Variants in PCDH15 observed in about 807,000 individuals in gnomAD.
PCDH15 encodes protocadherin related 15, also known as protocadherin-15.
PCDH15 carries 129 observed loss-of-function variants against 178.5 expected under a neutral mutation model. That is an observed-to-expected ratio of 0.72 (90% CI 0.63 to 0.84). PCDH15 has a LOEUF of 0.84. Among genes scored for constraint, PCDH15 ranks in the 40% least tolerant of loss-of-function variants. The pLI, the probability that PCDH15 is intolerant of heterozygous loss-of-function variation, is 0.00. For missense variants in PCDH15, 2,230 were observed against 2,099.9 expected (o/e 1.06, Z -1.21); for synonymous variants, 800 against 732.0 (o/e 1.09, Z -1.50).
intron 2 of PCDH15, among the ~76,000 whole-genome samples, chr10:55,487,622 A>G (rs1840323066): frequency 6.6e-6 from 1 of 151,674 alleles, no homozygotes; most frequent in Non-Finnish European, 1.5e-5. Flanking sequence ...TCCAGCTGTC[A>G]TTCCACTTTT....
chr10:55,071,208 A>G (rs1365032136), intron 2 of PCDH15, among the ~76,000 whole-genome samples: 2 of 152,180 alleles, frequency 1.3e-5, no homozygotes, highest in Non-Finnish European at 2.9e-5. Context: ...CAAAATAACC[A>G]GCTAACATCA....
intron 13 of PCDH15, among the ~76,000 whole-genome samples, chr10:54,175,283 T>A (rs985971655): frequency 6.6e-6 from 1 of 152,162 alleles, no homozygotes; most frequent in Non-Finnish European, 1.5e-5. Flanking sequence ...AAATAAATTG[T>A]CAAGAGACAT....
chr10:54,283,902 GC>G (rs1241647973), intron 8 of PCDH15, among the ~76,000 whole-genome samples: 1 of 152,124 alleles, frequency 6.6e-6, no homozygotes, highest in Admixed American at 6.6e-5. Context: ...GGGCTGGGAT[GC>G]ATTGGCACAA....
chr10:54,396,474 A>G (rs10825320), intron 3 of PCDH15, among the ~76,000 whole-genome samples: 109,523 of 151,950 alleles, frequency 0.72, 42,034 homozygotes, highest in East Asian at 0.96. Flanking sequence ...CTAATACTTT[A>G]TCAGAATTGA....
intron 1 of PCDH15, among the ~76,000 whole-genome samples, chr10:55,248,930 G>C (rs1275147394): frequency 2.6e-5 from 4 of 152,108 alleles, no homozygotes; most frequent in Non-Finnish European, 5.9e-5. Context: ...TAAAGGACTT[G>C]ACAAATTGAT....
intron 1 of PCDH15, among the ~76,000 whole-genome samples, chr10:55,312,742 C>T (rs1288464648): frequency 6.6e-6 from 1 of 152,118 alleles, no homozygotes; most frequent in Non-Finnish European, 1.5e-5. Flanking sequence ...CTCAGCCTCC[C>T]GAGTAGCTGA....
chr10:53,844,760 T>A (rs970244873), intron 28 of PCDH15, among the ~76,000 whole-genome samples: 1 of 151,986 alleles, frequency 6.6e-6, no homozygotes, highest in African/African-American at 2.4e-5. Context: ...ACATAAGACA[T>A]AAAACTGTAA....
intron 1 of PCDH15, among the ~76,000 whole-genome samples, chr10:55,315,329 C>T (rs1278398631): frequency 6.6e-6 from 1 of 152,022 alleles, no homozygotes; most frequent in African/African-American, 2.4e-5. Context: ...TAAAATGCAA[C>T]AACACGGAAA....
At chr10:55,238,903 T>C (rs896374069) in intron 1 of PCDH15, among the ~76,000 whole-genome samples, 7 of 152,150 alleles carry the variant, frequency 4.6e-5, no homozygotes, top group African/African-American at 1.7e-4. Flanking sequence ...AATTCCACTC[T>C]TTTAGTTATT....
intron 9 of PCDH15, among the ~76,000 whole-genome samples, chr10:54,235,485 T>C (rs1434380009): frequency 1.3e-5 from 2 of 152,188 alleles, no homozygotes; most frequent in Non-Finnish European, 2.9e-5. Flanking sequence ...CTTTTGCACA[T>C]GCTGCATTAT....
chr10:55,274,330 TG>T (rs1842528807), intron 1 of PCDH15, among the ~76,000 whole-genome samples: 1 of 152,070 alleles, frequency 6.6e-6, no homozygotes, highest in Admixed American at 6.5e-5. Flanking sequence ...AGGTGTTTTT[TG>T]TTTATTTGTT....
At chr10:54,028,152 G>T (rs61858385) in intron 18 of PCDH15, among the ~76,000 whole-genome samples, 1 of 149,334 alleles carries the variant, frequency 6.7e-6, no homozygotes. Context: ...CTTCTCAAAA[G>T]AAGACATTTA....
intron 9 of PCDH15, among the ~76,000 whole-genome samples, chr10:54,222,387 C>T (rs1022424967): frequency 5.9e-5 from 9 of 152,118 alleles, no homozygotes; most frequent in Non-Finnish European, 8.8e-5. Context: ...TCATCACCAC[C>T]GTACTTTCAT....
At chr10:55,113,470 C>T (rs1299744120) in intron 2 of PCDH15, among the ~76,000 whole-genome samples, 1 of 151,490 alleles carries the variant, frequency 6.6e-6, no homozygotes, top group Non-Finnish European at 1.5e-5. Flanking sequence ...AATTAAAATA[C>T]ATGGAAGAAG....
At chr10:55,024,074 CATATAT>C (rs71461269) in intron 2 of PCDH15, among the ~76,000 whole-genome samples, 81,694 of 142,966 alleles carry the variant, frequency 0.57, 23,594 homozygotes, top group East Asian at 0.75. Flanking sequence ...TACACACACT[CATATAT>C]ATATATATAT....
rs545540466 is a variant in PCDH15 at position 54,340,704 on chromosome 10, T to C, written c.594+5661A>G. On this transcript the variant is annotated intron_variant, in intron 6 of 37. Transcript: ENST00000644397. ...TGACTTGAAAGATCCAAGTGCCTTG[T>C]TCATCCCTTCACTTGGGGGTTTTCT... 9.2e-5 allele frequency among the ~76,000 whole-genome samples: 14 copies of C among 152,262 alleles called. No homozygotes were observed. The South Asian group carries it at 2.9e-3, about 32-fold the overall frequency.
chr10:54,902,255 T>C (rs1954649838), intron 2 of PCDH15, among the ~76,000 whole-genome samples: 1 of 152,236 alleles, frequency 6.6e-6, no homozygotes, highest in Admixed American at 6.6e-5. Context: ...GTCACTATCC[T>C]ATTTGAAAGA....
At chr10:54,938,756 T>G (rs1408705727) in intron 2 of PCDH15, among the ~76,000 whole-genome samples, 2 of 152,162 alleles carry the variant, frequency 1.3e-5, no homozygotes, top group Non-Finnish European at 2.9e-5. Context: ...TTCTAGATAA[T>G]TTTGGTGATT....
chr10:54,262,430 G>A (rs1421749835), intron 8 of PCDH15, among the ~76,000 whole-genome samples: 1 of 152,078 alleles, frequency 6.6e-6, no homozygotes, highest in African/African-American at 2.4e-5. Context: ...CTGCAAGAGG[G>A]TGTCCACAGC....
Sources: allele counts gnomAD v4.1 joint callset (sites outside exome capture counted in the v4.1 genomes callset), GRCh38; gene constraint gnomAD v4.1.1; transcripts MANE v1.5; gene names NCBI Gene and HGNC (gene_info 2026-07-23, HGNC 2026-07-21).